Variants in CCR1 observed in about 807,000 individuals in gnomAD.
CCR1 encodes the protein C-C motif chemokine receptor 1.
A neutral mutation model predicts 0.3 loss-of-function variants in CCR1; 1 was observed. That is an observed-to-expected ratio of 3.70 (90% CI 1.31 to 17.54). The LOEUF (loss-of-function observed/expected upper bound fraction) is 17.54. CCR1 is among the 30% of genes most tolerant of loss of function. The probability of loss-of-function intolerance (pLI) is 0.11; values close to 1 mark genes in which losing one functional copy is unlikely to be tolerated. For missense variants in CCR1, 349 were observed against 435.4 expected, an observed-to-expected ratio of 0.80 and a Z score of 1.77; for synonymous variants, 207 against 182.5, an observed-to-expected ratio of 1.13 and a Z score of -1.08.
In CCR1 at chr3:46,203,132, T is replaced by C. The variant is rs764260823; in HGVS notation, c.*114A>G. On this transcript the variant is annotated 3_prime_UTR_variant, in exon 2 of 2. Transcript: ENST00000296140. The surrounding 1 kb of genome is among the most constrained non-coding windows in gnomAD (Gnocchi z 4.5). ...ACATTCCCTCTCTATCCCAAGTGGC[T>C]GTGACTCCATGCTGTGCCAAGAGTC... 21 of 704,126 alleles carry C rather than the reference T, an allele frequency of 3.0e-5. No homozygotes were observed. Among genetic ancestry groups the C allele is most frequent in the Middle Eastern group, 2.6e-4 (1 of 3,830 alleles). The allele number at this position is 704,126 out of a possible 1,614,324, so 43.6% of individuals were successfully genotyped here. A position where few individuals can be genotyped will look rare whatever the true frequency, so the allele number is the denominator to read the frequency against.
At chr3:46,204,360 C>G in intron 1 of CCR1, 36 bp from the exon 2 acceptor site, 2 of 1,347,008 alleles carry the variant, frequency 1.5e-6, no homozygotes, top group South Asian at 3.0e-5. Context: ...TTTGTCTTTA[C>G]TCTGCTACTA....
In CCR1 at chr3:46,202,943, T is replaced by C. The variant is rs201811732; in HGVS notation, c.*303A>G. ...GGGTGACTTTGTTGACAAATGCTAATGGTCACAAATCTGAAATCTTGCTTG... is the reference window on the plus strand; with the variant it reads ...GGGTGACTTTGTTGACAAATGCTAACGGTCACAAATCTGAAATCTTGCTTG... On this transcript the variant is annotated 3_prime_UTR_variant, in exon 2 of 2. Transcript: ENST00000296140. 2 of 310,932 alleles carry C rather than the reference T, an allele frequency of 6.4e-6. No individual in the cohort carries two copies. The highest frequency in any genetic ancestry group is 1.2e-5 in the Non-Finnish European group (2 of 166,816). 19.3% of individuals were successfully genotyped at this position (310,932 alleles called of 1,614,324 possible). A position where few individuals can be genotyped will look rare whatever the true frequency, so the allele number is the denominator to read the frequency against.
At position 46,203,580 on chromosome 3, in the gene CCR1, A is replaced by T. The variant is rs757886524; in HGVS notation, c.734T>A (p.Met245Lys). Residue 245 changes from methionine (M) to lysine (K), a missense_variant, in exon 2 of 2, where the codon ATG (methionine) becomes AAG (lysine). Transcript: ENST00000296140. This position sits in a 1 kb window ranked among gnomAD's most constrained non-coding sequence, Gnocchi z 4.5. ...GGTCCAAAAGAGAAAAAAGATGATC[A>T]TGATGACAAAAATCAAACGGACAGC... ...SKAVRLIFVIMIIFFLFWTPY... is the reference protein window; with the variant it reads ...SKAVRLIFVIKIIFFLFWTPY... 2.5e-6 allele frequency: 4 copies of T among 1,614,162 alleles called. No individual in the cohort carries two copies. In the Admixed American group the frequency reaches 6.7e-5, roughly 27 times the overall value.
rs1699597339 is a variant in CCR1, at chr3:46,201,742, T to C, written c.*1504A>G. ...GAAATGATTTATTCACCTGGGAAAG[T>C]GATCACAACTTGCTGCTAATTAAAA... On this transcript the variant is annotated 3_prime_UTR_variant, in exon 2 of 2. Coordinates refer to ENST00000296140, the MANE Select transcript of CCR1 (RefSeq NM_001295.3). 1 of 152,204 alleles carries C rather than the reference T, an allele frequency of 6.6e-6. No individual in the cohort carries two copies. Among genetic ancestry groups the C allele is most frequent in the Admixed American group, 6.5e-5 (1 of 15,284 alleles). The allele number at this position is 152,204 out of a possible 1,614,324, so 9.4% of individuals were successfully genotyped here.
intron 1 of CCR1, among the ~76,000 whole-genome samples, chr3:46,204,620 T>C (rs1321963281): frequency 1.3e-5 from 2 of 152,112 alleles, no homozygotes; most frequent in African/African-American, 2.4e-5. Flanking sequence ...GTTCAATGGG[T>C]GGAAAGCCAG....
In CCR1 at chr3:46,204,340, A is replaced by C. The variant is rs200851262; in HGVS notation, c.-11-16T>G. The C allele has an allele frequency of 2.7e-5, 40 of 1,479,844 alleles. No individual in the cohort carries two copies. Among genetic ancestry groups the C allele is most frequent in the South Asian group, 5.4e-5 (4 of 73,596 alleles). 91.7% of individuals were successfully genotyped at this position (1,479,844 alleles called of 1,614,324 possible). On this transcript the variant is annotated splice_polypyrimidine_tract_variant and intron_variant, in intron 1 of 1. Coordinates refer to ENST00000296140, the MANE Select transcript of CCR1 (RefSeq NM_001295.3). The stretch of plus-strand genomic sequence containing the variant: ...CCGGCTTCTCCTACAGGTTAAAAAA[A>C]AAAAAAAGATTTGTCTTTACTCTGC...
chr3:46,206,221 A>G (rs572635553), intron 1 of CCR1, among the ~76,000 whole-genome samples: 54 of 152,132 alleles, frequency 3.5e-4, no homozygotes, highest in Admixed American at 9.8e-4. Context: ...TTCAATAGCC[A>G]TTGTAAAGGA....
intron 1 of CCR1, among the ~76,000 whole-genome samples, chr3:46,207,145 T>C (rs1345178801): frequency 6.6e-6 from 1 of 152,138 alleles, no homozygotes; most frequent in Non-Finnish European, 1.5e-5. Context: ...GAGTCAGTTG[T>C]TGAACATTTA....
chr3:46,201,791 A>T lies in CCR1; in HGVS notation c.*1455T>A, dbSNP rs1158038927. ...AACCAACAATAGAACAGTGAGTACA[A>T]TTGAAGTCCATCATTGTTATTATCA... On this transcript the variant is annotated 3_prime_UTR_variant, in exon 2 of 2. Coordinates refer to ENST00000296140, the MANE Select transcript of CCR1 (RefSeq NM_001295.3). The T allele has an allele frequency of 1.3e-5, 2 of 152,232 alleles. No homozygotes were observed. The highest frequency in any genetic ancestry group is 6.5e-5 in the Admixed American group (1 of 15,284). 9.4% of individuals were successfully genotyped at this position (152,232 alleles called of 1,614,324 possible).
chr3:46,203,245 G>A lies in CCR1; in HGVS notation c.*1C>T. On this transcript the variant is annotated 3_prime_UTR_variant, in exon 2 of 2. Coordinates refer to ENST00000296140, the MANE Select transcript of CCR1 (RefSeq NM_001295.3). The surrounding 1 kb of genome is among the most constrained non-coding windows in gnomAD (Gnocchi z 4.5). ...TTTGGGTTGGCCTCCTATGGTCTGA[G>A]TCAGAACCCAGCAGAGAGTTCATGC... is the stretch of plus-strand genomic sequence containing the variant. 1.9e-6 allele frequency: 3 copies of A among 1,610,166 alleles called. No homozygotes were observed. The highest frequency in any genetic ancestry group is 1.7e-6 in the Non-Finnish European group (2 of 1,177,210).
chr3:46,204,191 G>A lies in CCR1; in HGVS notation c.123C>T (p.Tyr41=), dbSNP rs575587935. 6.2e-7 allele frequency: 1 copy of A among 1,614,120 alleles called. No homozygotes were observed. Among genetic ancestry groups the A allele is most frequent in the South Asian group, 1.1e-5 (1 of 91,080 alleles). The part of the protein sequence containing the change: ...AFGAQLLPPL[Y]SLVFVIGLVG... ...CCAGGCCAATGACAAATACCAAGGA[G>A]TACAGAGGGGGCAGCAGTTGGGCCC... The change falls in exon 2 of 2, where the codon TAC becomes TAT. Residue 41 remains tyrosine, a synonymous_variant. Transcript: ENST00000296140.
intron 1 of CCR1, among the ~76,000 whole-genome samples, chr3:46,206,007 C>T (rs537969354): frequency 6.6e-6 from 1 of 152,202 alleles, no homozygotes; most frequent in South Asian, 2.1e-4. Flanking sequence ...TTCTTGATAA[C>T]GGTGGACAAT....
At position 46,203,279 on chromosome 3, in the gene CCR1, G is replaced by A. The variant is rs1454849095; in HGVS notation, c.1035C>T (p.Ser345=). ...RLERVSSTSP[S]TGEHELSAGF Reference sequence around the variant, plus strand: ...CAGCAGAGAGTTCATGCTCCCCTGTGGAGGGAGATGTGGAGCTGACCCTCT... The same window carrying A: ...CAGCAGAGAGTTCATGCTCCCCTGTAGAGGGAGATGTGGAGCTGACCCTCT... The change falls in exon 2 of 2, where the codon TCC becomes TCT. Residue 345 remains serine (S), a synonymous_variant. Coordinates refer to ENST00000296140, the MANE Select transcript of CCR1 (RefSeq NM_001295.3). This position sits in a 1 kb window ranked among gnomAD's most constrained non-coding sequence, Gnocchi z 4.5. The A allele has an allele frequency of 6.2e-7, 1 of 1,614,096 alleles. No homozygotes were observed. Among genetic ancestry groups the A allele is most frequent in the Non-Finnish European group, 8.5e-7 (1 of 1,179,952 alleles).
At position 46,204,093 on chromosome 3, in the gene CCR1, A is replaced by G; in HGVS notation, c.221T>C (p.Leu74Pro). ...RLKNMTSIYL[L>P]NLAISDLLFL... is the part of the protein sequence containing the mutation. ...GAGCAGGTCAGAAATGGCCAGGTTC[A>G]GGAGGTAGATGCTGGTCATGTTTTT... is the stretch of plus-strand genomic sequence containing the variant. The change falls in exon 2 of 2, where the codon CTG (leucine) becomes CCG (proline). Residue 74 changes from leucine to proline, a missense_variant. Leu to Pro is a moderately conservative substitution (Grantham distance 98, BLOSUM62 -3). Coordinates refer to ENST00000296140, the MANE Select transcript of CCR1 (RefSeq NM_001295.3). 6.2e-7 allele frequency: 1 copy of G among 1,614,200 alleles called. No individual in the cohort carries two copies. The highest frequency in any genetic ancestry group is 8.5e-7 in the Non-Finnish European group (1 of 1,180,020).
chr3:46,204,404 A>G, intron 1 of CCR1, 80 bp from the exon 2 acceptor site: 1 of 902,082 alleles, frequency 1.1e-6, no homozygotes, highest in Non-Finnish European at 1.6e-6. Context: ...AAGACAAGGG[A>G]GAGGTAACAT....
chr3:46,205,579 A>C (rs1699640850), intron 1 of CCR1, among the ~76,000 whole-genome samples: 1 of 152,182 alleles, frequency 6.6e-6, no homozygotes, highest in South Asian at 2.1e-4. Context: ...CCAGTTGCTT[A>C]TTAAAGATGC....
intron 1 of CCR1, among the ~76,000 whole-genome samples, chr3:46,207,628 A>G (rs1358261117): frequency 1.4e-5 from 2 of 144,604 alleles, no homozygotes; most frequent in African/African-American, 5.1e-5. Context: ...TTTCCTTTAC[A>G]TGGGGGAATT....
At position 46,203,459 on chromosome 3, in the gene CCR1, C is replaced by G. The variant is rs1699617112; in HGVS notation, c.855G>C (p.Val285=). ...AGTGCGTGTAGGCGATCACCTCCGT[C>G]ACTTGCACAGCCAGGTCCAAATGTC... ...QSRHLDLAVQ[V]TEVIAYTHCC... Residue 285 remains valine, a synonymous_variant, in exon 2 of 2, where the codon GTG becomes GTC. Coordinates refer to ENST00000296140, the MANE Select transcript of CCR1 (RefSeq NM_001295.3). This position sits in a 1 kb window ranked among gnomAD's most constrained non-coding sequence, Gnocchi z 4.5. 2 of 1,614,066 alleles carry G rather than the reference C, an allele frequency of 1.2e-6. No homozygotes were observed. The highest frequency in any genetic ancestry group is 2.2e-5 in the South Asian group (2 of 91,084).
rs774697971 is a variant in CCR1 at position 46,203,627 on chromosome 3, T to A, written c.687A>T (p.Arg229=). The part of the protein sequence containing the change: ...YTGIIKILLR[R]PNEKKSKAVR... ...CAGCTTTGGATTTCTTCTCATTTGG[T>A]CGTCTTAGCAGAATCTTTATAATCC... Residue 229 remains arginine (R), a synonymous_variant, in exon 2 of 2, where the codon CGA becomes CGT. Coordinates refer to ENST00000296140, the MANE Select transcript of CCR1 (RefSeq NM_001295.3). This position sits in a 1 kb window ranked among gnomAD's most constrained non-coding sequence, Gnocchi z 4.5. 1.2e-6 allele frequency: 2 copies of A among 1,614,222 alleles called. No homozygotes were observed. The highest frequency in any genetic ancestry group is 2.2e-5 in the South Asian group (2 of 91,080).
Sources: allele counts gnomAD v4.1 joint callset (sites outside exome capture counted in the v4.1 genomes callset), GRCh38; gene constraint gnomAD v4.1.1; non-coding constraint Gnocchi (gnomAD v3.1); transcripts MANE v1.5; gene names NCBI Gene and HGNC (gene_info 2026-07-23, HGNC 2026-07-21).